Variants in AGMO observed in about 807,000 individuals in gnomAD.
The protein encoded by AGMO is alkylglycerol monooxygenase, also known as glyceryl-ether monooxygenase.
AGMO carries 75 observed loss-of-function variants against 60.2 expected under a neutral mutation model. The ratio of observed to expected loss-of-function variants is 1.25; its 90% CI spans 1.03 to 1.51. AGMO has a LOEUF of 1.51. Among genes scored for constraint, AGMO ranks in the 40% most tolerant of loss-of-function variants. The probability of loss-of-function intolerance (pLI) is 0.00; values close to 1 mark genes in which losing one functional copy is unlikely to be tolerated. For synonymous variants in AGMO, 261 were observed against 177.1 expected (o/e 1.47, Z -3.76); for missense variants, 763 against 525.5 (o/e 1.45, Z -4.42).
intron 3 of AGMO, among the ~76,000 whole-genome samples, chr7:15,440,926 C>T (rs574093826): frequency 3.2e-4 from 49 of 152,324 alleles, no homozygotes; most frequent in African/African-American, 1.2e-3. Flanking sequence ...GTATCCATCA[C>T]CAGTCATTTG....
At chr7:15,131,789 C>CACACACAA in the AGMO span, among the ~76,000 whole-genome samples, 1 of 145,512 alleles carries the variant, frequency 6.9e-6, no homozygotes, top group African/African-American at 2.5e-5. Flanking sequence ...CACACACACA[C>CACACACAA]AAACAAGGTA....
chr7:15,545,941 T>C (rs1784770074), intron 2 of AGMO, among the ~76,000 whole-genome samples: 1 of 152,024 alleles, frequency 6.6e-6, no homozygotes, highest in African/African-American at 2.4e-5. Flanking sequence ...AGTTTGGTGC[T>C]GAAAATTCTG....
intron 3 of AGMO, among the ~76,000 whole-genome samples, chr7:15,533,001 AC>A: frequency 6.6e-6 from 1 of 152,248 alleles, no homozygotes; most frequent in African/African-American, 2.4e-5. Context: ...AAAAGACAAA[AC>A]AAAACAAACA....
chr7:15,217,714 TG>T (rs1781784700), intron 12 of AGMO, among the ~76,000 whole-genome samples: 1 of 151,636 alleles, frequency 6.6e-6, no homozygotes, highest in African/African-American at 2.4e-5. Context: ...CTTGGAGATA[TG>T]GAAGTTAAAA....
chr7:15,279,248 CCT>C (rs1783892174), intron 12 of AGMO, among the ~76,000 whole-genome samples: 2 of 152,132 alleles, frequency 1.3e-5, no homozygotes, highest in Admixed American at 6.5e-5. Context: ...CATTAGGGGT[CCT>C]CTCTCAGCTG....
chr7:15,423,807 G>A lies in AGMO; in HGVS notation c.514-5154C>T, dbSNP rs1021400201. Among the ~76,000 whole-genome samples the A allele has an allele frequency of 2.6e-5, 4 of 152,076 alleles. No homozygotes were observed. In the East Asian group the frequency reaches 5.8e-4, roughly 22 times the overall value. On this transcript the variant is annotated intron_variant, in intron 4 of 12. Transcript: ENST00000342526. ...CAAACCACCAGTATTTAGGTGGGGG[G>A]CATGGAACTGAGTCTCCCTCATAGC...
intron 3 of AGMO, among the ~76,000 whole-genome samples, chr7:15,445,034 T>C (rs1317800995): frequency 6.6e-6 from 1 of 152,206 alleles, no homozygotes; most frequent in Non-Finnish European, 1.5e-5. Context: ...ATTTGTGAAG[T>C]TCTTAGCACA....
At chr7:15,118,024 A>T in the AGMO span, among the ~76,000 whole-genome samples, 3 of 152,006 alleles carry the variant, frequency 2.0e-5, no homozygotes, top group African/African-American at 7.2e-5. Context: ...TTCAGCCAAA[A>T]TACAAAAGAA....
At chr7:15,262,478 A>G (rs1419197031) in intron 12 of AGMO, among the ~76,000 whole-genome samples, 1 of 151,938 alleles carries the variant, frequency 6.6e-6, no homozygotes, top group Non-Finnish European at 1.5e-5. Context: ...TAAATCATAA[A>G]TAACACAAAC....
chr7:15,349,064 A>C (rs1483903967), intron 12 of AGMO, among the ~76,000 whole-genome samples: 1 of 152,146 alleles, frequency 6.6e-6, no homozygotes, highest in East Asian at 1.9e-4. Flanking sequence ...GTAACACTTT[A>C]TGAGTACAAC....
chr7:15,380,369 G>A (rs1213969869), intron 10 of AGMO, among the ~76,000 whole-genome samples: 1 of 152,094 alleles, frequency 6.6e-6, no homozygotes, highest in Non-Finnish European at 1.5e-5. Context: ...ACCAATGACA[G>A]TCAAACTGAG....
intron 2 of AGMO, among the ~76,000 whole-genome samples, chr7:15,552,156 T>C (rs896520763): frequency 1.8e-4 from 28 of 152,210 alleles, no homozygotes; most frequent in African/African-American, 6.0e-4. Flanking sequence ...TTACACCCTA[T>C]ACAAAAATCA....
intron 4 of AGMO, among the ~76,000 whole-genome samples, chr7:15,420,183 C>A (rs917691474): frequency 6.6e-6 from 1 of 152,022 alleles, no homozygotes; most frequent in South Asian, 2.1e-4. Context: ...ATAATGACAG[C>A]TATTATGGAA....
chr7:15,229,043 T>C (rs966827218), intron 12 of AGMO, among the ~76,000 whole-genome samples: 3 of 152,108 alleles, frequency 2.0e-5, no homozygotes, highest in African/African-American at 7.2e-5. Context: ...ATATGACTTG[T>C]AATGGGATGT....
chr7:15,128,413 AT>A, the AGMO span, among the ~76,000 whole-genome samples: 5 of 152,060 alleles, frequency 3.3e-5, no homozygotes, highest in African/African-American at 9.7e-5. Context: ...ATTTTAATTT[AT>A]TTTTTTATTA....
intron 3 of AGMO, among the ~76,000 whole-genome samples, chr7:15,529,069 G>T (rs1268814581): frequency 6.6e-6 from 1 of 152,108 alleles, no homozygotes; most frequent in African/African-American, 2.4e-5. Context: ...ACATTGATTT[G>T]ATCTAATTAA....
chr7:15,376,966 G>A lies in AGMO; in HGVS notation c.1074+8480C>T, dbSNP rs975975365. Among the ~76,000 whole-genome samples the A allele has an allele frequency of 2.0e-5, 3 of 152,132 alleles. No homozygotes were observed. The South Asian group carries it at 6.2e-4, about 32-fold the overall frequency. ...CTTGACTCCCAAAGTTATTTATATA[G>A]AACTTGCATACATAAAACAAGTAAG... On this transcript the variant is annotated intron_variant, in intron 10 of 12. Coordinates refer to ENST00000342526, the MANE Select transcript of AGMO (RefSeq NM_001004320.2).
At chr7:15,534,161 C>A (rs573601014) in intron 3 of AGMO, among the ~76,000 whole-genome samples, 1 of 151,778 alleles carries the variant, frequency 6.6e-6, no homozygotes, top group East Asian at 1.9e-4. Context: ...TTTTTCAAGT[C>A]ATTTCCTAGG....
intron 12 of AGMO, among the ~76,000 whole-genome samples, chr7:15,208,637 C>T (rs771587123): frequency 2.0e-5 from 3 of 152,116 alleles, no homozygotes; most frequent in East Asian, 1.9e-4. Flanking sequence ...ATAACCTGCA[C>T]CCATGCTCTG....
Sources: gnomAD v4.1 joint callset for allele counts (sites outside exome capture counted in the v4.1 genomes callset) on GRCh38, gnomAD v4.1.1 for gene constraint, MANE v1.5 for transcripts, NCBI Gene and HGNC (gene_info 2026-07-23, HGNC 2026-07-21) for gene names.